Variants in NKAIN2 observed in about 807,000 individuals in gnomAD.
NKAIN2 encodes sodium/potassium-transporting ATPase subunit beta-1-interacting protein 2.
A neutral mutation model predicts 32.6 loss-of-function variants in NKAIN2; 14 were observed. The observed-to-expected ratio is 0.43, with a 90% CI of 0.28 to 0.67. NKAIN2 has a LOEUF of 0.67. Ranked by LOEUF, NKAIN2 falls within the 30% of genes least tolerant of loss-of-function variation. NKAIN2 has a pLI of 0.17. For synonymous variants in NKAIN2, 80 were observed against 87.2 expected (o/e 0.92, Z 0.46); for missense variants, 198 against 258.3 (o/e 0.77, Z 1.60).
intron 3 of NKAIN2, among the ~76,000 whole-genome samples, chr6:124,457,174 A>G (rs554967745): frequency 6.6e-6 from 1 of 152,042 alleles, no homozygotes; most frequent in African/African-American, 2.4e-5. Flanking sequence ...AGAACTTTGT[A>G]TCCAGTGACT....
chr6:124,085,929 C>T (rs1784172559), intron 1 of NKAIN2, among the ~76,000 whole-genome samples: 1 of 151,886 alleles, frequency 6.6e-6, no homozygotes, highest in South Asian at 2.1e-4. Context: ...AAACAAAAGG[C>T]ATAATATTTT....
At chr6:124,728,115 T>G (rs1776431201) in intron 4 of NKAIN2, among the ~76,000 whole-genome samples, 1 of 144,400 alleles carries the variant, frequency 6.9e-6, no homozygotes, top group Admixed American at 7.0e-5. Context: ...AATGGGAGAC[T>G]TTAACACCCC....
At chr6:124,566,242 TA>T (rs1780905192) in intron 3 of NKAIN2, among the ~76,000 whole-genome samples, 1 of 152,222 alleles carries the variant, frequency 6.6e-6, no homozygotes, top group African/African-American at 2.4e-5. Flanking sequence ...AGCTCCACCA[TA>T]CCCCAACCAC....
chr6:124,586,091 A>C (rs761474648), intron 3 of NKAIN2, among the ~76,000 whole-genome samples: 1 of 152,172 alleles, frequency 6.6e-6, no homozygotes, highest in Non-Finnish European at 1.5e-5. Flanking sequence ...GCCTGCCCCA[A>C]AATTCCCCTG....
chr6:124,798,263 G>A (rs980573980), intron 5 of NKAIN2, among the ~76,000 whole-genome samples: 47 of 152,140 alleles, frequency 3.1e-4, no homozygotes, highest in African/African-American at 1.1e-3. Flanking sequence ...TTGGGTGCCA[G>A]GTTGACAGGG....
intron 1 of NKAIN2, among the ~76,000 whole-genome samples, chr6:124,034,974 C>T (rs1244200134): frequency 6.6e-6 from 1 of 151,940 alleles, no homozygotes; most frequent in Non-Finnish European, 1.5e-5. Context: ...TTGGGAGAGT[C>T]CATTTCCAAC....
At chr6:124,411,695 G>C (rs906027153) in intron 3 of NKAIN2, among the ~76,000 whole-genome samples, 2 of 151,720 alleles carry the variant, frequency 1.3e-5, no homozygotes, top group Admixed American at 1.3e-4. Context: ...TCTTTGTGGC[G>C]TTCTCTGTAT....
chr6:124,556,010 A>C (rs1780459530), intron 3 of NKAIN2, among the ~76,000 whole-genome samples: 2 of 151,972 alleles, frequency 1.3e-5, no homozygotes, highest in Admixed American at 1.3e-4. Flanking sequence ...GGCTTTTATC[A>C]ATAGAAAAGC....
chr6:124,495,798 TC>T (rs1449427799), intron 3 of NKAIN2, among the ~76,000 whole-genome samples: 1 of 152,144 alleles, frequency 6.6e-6, no homozygotes, highest in Non-Finnish European at 1.5e-5. Context: ...CATCTCTGAT[TC>T]TTTTGGCTTT....
At position 124,544,196 on chromosome 6, in the gene NKAIN2, C is replaced by A. The variant is rs373675460; in HGVS notation, c.274-113990C>A. Among the ~76,000 whole-genome samples the A allele has an allele frequency of 2.1e-4, 32 of 152,176 alleles. 1 individual carries two copies. The South Asian group carries it at 4.8e-3, about 23-fold the overall frequency. ...AGCAGGGACTGGGATCCCTGAAGAA[C>A]CTTCAGGGAGCCAATCAGCTCCAAA... On this transcript the variant is annotated intron_variant, in intron 3 of 6. Transcript: ENST00000368417.
intron 3 of NKAIN2, among the ~76,000 whole-genome samples, chr6:124,409,554 A>T (rs936227271): frequency 3.3e-5 from 5 of 152,160 alleles, no homozygotes; most frequent in Non-Finnish European, 7.3e-5. Context: ...CCACTTGATC[A>T]TGGTGGATAA....
Position 124,062,028 on chromosome 6 carries a change from A to AC in NKAIN2, c.55-220975dup, listed in dbSNP as rs1043986461. Among the ~76,000 whole-genome samples the AC allele has an allele frequency of 7.2e-5, 11 of 152,308 alleles. No homozygotes were observed. In the South Asian group the frequency reaches 1.0e-3, roughly 14 times the overall value. On this transcript the variant is annotated intron_variant, in intron 1 of 6. Coordinates refer to ENST00000368417, the MANE Select transcript of NKAIN2 (RefSeq NM_001040214.3). ...TCTTTAGCAATGGGAACATTTTTCT[A>AC]CCAACCAAATAAAACCAATGTTATA...
rs138884236 is a variant in NKAIN2, at chr6:124,374,493, A to G, written c.273+19146A>G. On this transcript the variant is annotated intron_variant, in intron 3 of 6. Transcript: ENST00000368417. ...AGCAATGATGTTAGCCAACATAGCC[A>G]TTTGCTTGTAACTGTTACTGCATCA... Among the ~76,000 whole-genome samples the G allele has an allele frequency of 1.8e-3, 280 of 152,266 alleles. 3 individuals carry two copies. Among genetic ancestry groups the G allele is most frequent in the African/African-American group, 6.5e-3 (271 of 41,572 alleles).
intron 1 of NKAIN2, among the ~76,000 whole-genome samples, chr6:124,074,424 C>CA (rs1489084841): frequency 3.9e-5 from 6 of 152,132 alleles, no homozygotes; most frequent in Admixed American, 3.9e-4. Flanking sequence ...AGATAAACAC[C>CA]AAAGGCCAAC....
At chr6:124,286,939 C>T (rs943572462) in intron 2 of NKAIN2, among the ~76,000 whole-genome samples, 49 of 152,210 alleles carry the variant, frequency 3.2e-4, no homozygotes, top group Middle Eastern at 6.8e-3. Flanking sequence ...ACCTTGGCCT[C>T]CCAAAGTGCT....
At chr6:124,513,258 A>C (rs1778785147) in intron 3 of NKAIN2, among the ~76,000 whole-genome samples, 1 of 152,174 alleles carries the variant, frequency 6.6e-6, no homozygotes, top group African/African-American at 2.4e-5. Flanking sequence ...AACCTTACTT[A>C]TATTTTCTAC....
chr6:124,652,626 G>A (rs1476381894), intron 3 of NKAIN2, among the ~76,000 whole-genome samples: 1 of 152,128 alleles, frequency 6.6e-6, no homozygotes, highest in Non-Finnish European at 1.5e-5. Flanking sequence ...CAATTCTGGA[G>A]GCTGGGCACT....
intron 2 of NKAIN2, among the ~76,000 whole-genome samples, chr6:124,318,244 A>G (rs1002251702): frequency 5.9e-5 from 9 of 152,054 alleles, no homozygotes; most frequent in African/African-American, 2.2e-4. Flanking sequence ...TTGCTATTTT[A>G]GTCTCATTAT....
At chr6:124,691,280 T>TAATC (rs1463531584) in intron 4 of NKAIN2, among the ~76,000 whole-genome samples, 1 of 152,150 alleles carries the variant, frequency 6.6e-6, no homozygotes, top group African/African-American at 2.4e-5. Flanking sequence ...ATCTCTGCTC[T>TAATC]AATCACTACA....
Sources: gnomAD v4.1 joint callset for allele counts (sites outside exome capture counted in the v4.1 genomes callset) on GRCh38, gnomAD v4.1.1 for gene constraint, MANE v1.5 for transcripts, NCBI Gene and HGNC (gene_info 2026-07-23, HGNC 2026-07-21) for gene names.